Variants in SGCZ observed in about 807,000 individuals in gnomAD.
The protein encoded by SGCZ is zeta-sarcoglycan.
A neutral mutation model predicts 41.3 loss-of-function variants in SGCZ; 40 were observed. That is an observed-to-expected ratio of 0.97 (90% confidence interval 0.75 to 1.26). SGCZ has a LOEUF of 1.26. Ranked by LOEUF, SGCZ falls within the 50% of genes most tolerant of loss-of-function variation. The pLI is 0.00. For missense variants in SGCZ, 552 were observed against 369.8 expected (o/e 1.49, Z -4.04); for synonymous variants, 206 against 137.5 (o/e 1.50, Z -3.49).
At chr8:14,309,267 G>A in intron 3 of SGCZ, 1 of 1,544,912 alleles carries the variant, frequency 6.5e-7, no homozygotes, top group Non-Finnish European at 8.9e-7. Context: ...CAGTTGTCTA[G>A]TAATTTAATG....
chr8:14,174,717 G>T (rs1380366589), intron 4 of SGCZ, among the ~76,000 whole-genome samples: 1 of 152,118 alleles, frequency 6.6e-6, no homozygotes, highest in Non-Finnish European at 1.5e-5. Flanking sequence ...GTGGAATATG[G>T]TGTGCCTTGC....
At chr8:14,201,022 C>T (rs778021543) in intron 4 of SGCZ, among the ~76,000 whole-genome samples, 5 of 151,906 alleles carry the variant, frequency 3.3e-5, no homozygotes, top group Non-Finnish European at 5.9e-5. Context: ...AGATGGAAAA[C>T]AAAAACACAA....
At chr8:14,681,112 AG>A (rs1316931105) in intron 1 of SGCZ, among the ~76,000 whole-genome samples, 2 of 152,148 alleles carry the variant, frequency 1.3e-5, no homozygotes, top group Admixed American at 1.3e-4. Context: ...TGGCAAAAAC[AG>A]GCCCACAACA....
chr8:14,923,492 G>C (rs140663837), intron 1 of SGCZ, among the ~76,000 whole-genome samples: 1 of 152,212 alleles, frequency 6.6e-6, no homozygotes, highest in African/African-American at 2.4e-5. Context: ...TTTTTATAGA[G>C]ATTTTTTTAC....
chr8:14,190,673 G>A (rs559061922), intron 4 of SGCZ, among the ~76,000 whole-genome samples: 2 of 151,990 alleles, frequency 1.3e-5, no homozygotes, highest in African/African-American at 4.8e-5. Flanking sequence ...CGCGATCTCG[G>A]CTCACTACAA....
At chr8:15,042,828 A>G (rs1221937563) in intron 1 of SGCZ, among the ~76,000 whole-genome samples, 1 of 152,180 alleles carries the variant, frequency 6.6e-6, no homozygotes, top group Non-Finnish European at 1.5e-5. Flanking sequence ...TCGCTCGGTC[A>G]AACCCAGGCT....
intron 2 of SGCZ, among the ~76,000 whole-genome samples, chr8:14,375,264 G>A (rs1043154143): frequency 2.0e-5 from 3 of 152,198 alleles, no homozygotes; most frequent in African/African-American, 7.2e-5. Context: ...TACGGTAGCT[G>A]TTTTTAAAGC....
chr8:14,266,619 T>A (rs17118881), intron 3 of SGCZ, among the ~76,000 whole-genome samples: 9 of 152,040 alleles, frequency 5.9e-5, no homozygotes, highest in African/African-American at 2.2e-4. Context: ...AAGATCACGA[T>A]GTGAAAATGT....
chr8:14,203,530 G>A (rs1805523136), intron 4 of SGCZ, among the ~76,000 whole-genome samples: 1 of 151,980 alleles, frequency 6.6e-6, no homozygotes, highest in South Asian at 2.1e-4. Context: ...TCAATTTAAT[G>A]TGCTCCTAAA....
intron 1 of SGCZ, among the ~76,000 whole-genome samples, chr8:14,641,519 T>C (rs1448575838): frequency 6.6e-6 from 1 of 151,642 alleles, no homozygotes; most frequent in Non-Finnish European, 1.5e-5. Flanking sequence ...AAAACGTTTT[T>C]AGAGTTTCCA....
chr8:14,191,547 T>G (rs1047415488), intron 4 of SGCZ, among the ~76,000 whole-genome samples: 2 of 152,220 alleles, frequency 1.3e-5, no homozygotes, highest in African/African-American at 4.8e-5. Flanking sequence ...TTCTTTGGTA[T>G]GTATCATTTG....
intron 1 of SGCZ, among the ~76,000 whole-genome samples, chr8:14,909,341 G>A (rs995676462): frequency 6.6e-6 from 1 of 152,002 alleles, no homozygotes; most frequent in African/African-American, 2.4e-5. Context: ...CTTTTTTGAA[G>A]TGTTTACATA....
At chr8:14,855,434 T>G (rs1160363658) in intron 1 of SGCZ, among the ~76,000 whole-genome samples, 1 of 152,134 alleles carries the variant, frequency 6.6e-6, no homozygotes, top group Non-Finnish European at 1.5e-5. Flanking sequence ...ATGCTTGCTA[T>G]TCCCATGTCA....
intron 1 of SGCZ, among the ~76,000 whole-genome samples, chr8:14,810,091 T>C (rs910812060): frequency 1.3e-5 from 2 of 152,036 alleles, no homozygotes; most frequent in African/African-American, 4.8e-5. Context: ...GAAATTTCAG[T>C]GCTGAAGGTA....
At chr8:14,646,530 T>C (rs1807223246) in intron 1 of SGCZ, among the ~76,000 whole-genome samples, 1 of 151,926 alleles carries the variant, frequency 6.6e-6, no homozygotes, top group Non-Finnish European at 1.5e-5. Flanking sequence ...TACAAGAACA[T>C]GTCTCCTTTG....
At chr8:15,067,626 C>T (rs1185598173) in intron 1 of SGCZ, among the ~76,000 whole-genome samples, 3 of 152,170 alleles carry the variant, frequency 2.0e-5, no homozygotes, top group African/African-American at 7.2e-5. Context: ...TGTACCACTT[C>T]TTAGTGTTGT....
chr8:14,794,216 T>C (rs1801048839), intron 1 of SGCZ, among the ~76,000 whole-genome samples: 1 of 152,080 alleles, frequency 6.6e-6, no homozygotes, highest in Non-Finnish European at 1.5e-5. Flanking sequence ...AAGTCTCTGA[T>C]GTGGAAGGTA....
intron 1 of SGCZ, among the ~76,000 whole-genome samples, chr8:15,157,262 G>A (rs1328971348): frequency 6.6e-6 from 1 of 151,816 alleles, no homozygotes; most frequent in Non-Finnish European, 1.5e-5. Context: ...GCTAGGCAGG[G>A]TGGCTCATGC....
At chr8:14,914,005 C>G (rs1352583948) in intron 1 of SGCZ, among the ~76,000 whole-genome samples, 3 of 151,846 alleles carry the variant, frequency 2.0e-5, no homozygotes, top group Non-Finnish European at 4.4e-5. Context: ...TTAGAACACA[C>G]AAAATTCACA....
Sources: gnomAD v4.1 joint callset for allele counts (sites outside exome capture counted in the v4.1 genomes callset) on GRCh38, gnomAD v4.1.1 for gene constraint, MANE v1.5 for transcripts, NCBI Gene and HGNC (gene_info 2026-07-23, HGNC 2026-07-21) for gene names.